The following NRG1 variants were observed in gnomAD, a reference collection of about 807,000 sequenced individuals.
NRG1 encodes the protein pro-neuregulin-1, membrane-bound isoform.
In NRG1, 18 loss-of-function variants were observed where a neutral mutation model predicts 63.8. That is an observed-to-expected ratio of 0.28 (90% CI 0.19 to 0.42). The LOEUF (loss-of-function observed/expected upper bound fraction) is 0.42. Among genes scored for constraint, NRG1 ranks in the 10% least tolerant of loss-of-function variants. The pLI is 1.00. For missense variants in NRG1, 762 were observed against 814.7 expected, an observed-to-expected ratio of 0.94 and a Z score of 0.79; for synonymous variants, 302 against 301.3, an observed-to-expected ratio of 1.00 and a Z score of -0.02.
At chr8:32,008,260 C>T (rs1412402294) in intron 1 of NRG1, among the ~76,000 whole-genome samples, 1 of 151,916 alleles carries the variant, frequency 6.6e-6, no homozygotes, top group Non-Finnish European at 1.5e-5. Flanking sequence ...TTTATTGAAG[C>T]TAGTTTGAAC....
intron 5 of NRG1, among the ~76,000 whole-genome samples, chr8:32,626,524 CA>C (rs1563798552): frequency 6.6e-6 from 1 of 151,606 alleles, no homozygotes; most frequent in Non-Finnish European, 1.5e-5. Context: ...ACTAAAAATA[CA>C]AAAAATTAGC....
intron 1 of NRG1, among the ~76,000 whole-genome samples, chr8:32,059,366 T>C (rs918748542): frequency 5.9e-5 from 9 of 151,988 alleles, no homozygotes; most frequent in Non-Finnish European, 1.0e-4. Flanking sequence ...GCTGCATCGC[T>C]AATGTCCTAA....
chr8:32,370,616 G>A (rs1255053828), intron 1 of NRG1, among the ~76,000 whole-genome samples: 1 of 152,010 alleles, frequency 6.6e-6, no homozygotes, highest in Non-Finnish European at 1.5e-5. Flanking sequence ...CCAACACTTT[G>A]GGAGACCGAA....
chr8:32,559,178 G>A (rs1354994119), intron 1 of NRG1, among the ~76,000 whole-genome samples: 2 of 131,636 alleles, frequency 1.5e-5, no homozygotes, highest in Admixed American at 9.0e-5. Context: ...AATTTACAGA[G>A]AGAAATAACC....
At chr8:32,292,113 T>C (rs894772419) in intron 1 of NRG1, among the ~76,000 whole-genome samples, 2 of 152,192 alleles carry the variant, frequency 1.3e-5, no homozygotes, top group Non-Finnish European at 2.9e-5. Context: ...ACTTTCATTT[T>C]TTCCCCCAAC....
In NRG1 at chr8:31,987,313, C is replaced by A. The variant is rs1405904229; in HGVS notation, c.37+347882C>A. 1.7e-3 allele frequency among the ~76,000 whole-genome samples: 148 copies of A among 86,016 alleles called. 4 individuals carry two copies. Among genetic ancestry groups the A allele is most frequent in the African/African-American group, 7.5e-3 (109 of 14,494 alleles). 56.4% of individuals were successfully genotyped at this position (86,016 alleles called of 152,430 possible). A position where few individuals can be genotyped will look rare whatever the true frequency, so the allele number is the denominator to read the frequency against. ...GACTGTCTCAAAAAAAAAAAAAAAACATATATATGTGTGTGTGTGTGTGTG... is the reference window on the plus strand; with the variant it reads ...GACTGTCTCAAAAAAAAAAAAAAAAAATATATATGTGTGTGTGTGTGTGTG... On this transcript the variant is annotated intron_variant, in intron 1 of 10. Transcript: ENST00000519301.
At chr8:32,390,270 G>A (rs1373638005) in intron 1 of NRG1, among the ~76,000 whole-genome samples, 1 of 152,046 alleles carries the variant, frequency 6.6e-6, no homozygotes, top group Admixed American at 6.6e-5. Flanking sequence ...ATTTCTCATA[G>A]GTGGCAGTCT....
chr8:32,639,465 A>T (rs979491402), intron 5 of NRG1, among the ~76,000 whole-genome samples: 2 of 152,160 alleles, frequency 1.3e-5, no homozygotes, highest in East Asian at 3.8e-4. Flanking sequence ...AAAGTAGAAT[A>T]CTTCAGGTAA....
chr8:32,341,473 G>A (rs569401157), intron 1 of NRG1, among the ~76,000 whole-genome samples: 64 of 152,246 alleles, frequency 4.2e-4, no homozygotes, highest in African/African-American at 1.3e-3. Context: ...GAGGCATTTC[G>A]CCTTGGGATC....
chr8:32,551,102 A>C (rs1834019482), intron 1 of NRG1, among the ~76,000 whole-genome samples: 1 of 152,174 alleles, frequency 6.6e-6, no homozygotes, highest in South Asian at 2.1e-4. Flanking sequence ...TTTCCTTATA[A>C]TGGTAAGTGC....
At chr8:31,953,379 G>C (rs562626894) in intron 1 of NRG1, among the ~76,000 whole-genome samples, 1 of 152,216 alleles carries the variant, frequency 6.6e-6, no homozygotes, top group Non-Finnish European at 1.5e-5. Flanking sequence ...TTTGTGGAAT[G>C]TTTGAAATTT....
chr8:31,760,112 T>C (rs1817374979), intron 1 of NRG1, among the ~76,000 whole-genome samples: 1 of 152,144 alleles, frequency 6.6e-6, no homozygotes, highest in Non-Finnish European at 1.5e-5. Flanking sequence ...AATGTTAATA[T>C]TTTGATTTAA....
At chr8:31,915,818 ATATAT>A (rs1371532996) in intron 1 of NRG1, among the ~76,000 whole-genome samples, 1 of 152,102 alleles carries the variant, frequency 6.6e-6, no homozygotes, top group Non-Finnish European at 1.5e-5. Flanking sequence ...TTCATACTAC[ATATAT>A]TATGTACAAT....
rs144372948 is a variant in NRG1, at chr8:31,688,518, G to A, written c.37+49087G>A. ...ATATTGTCCTAGATCCGCCCAAATG[G>A]ACAAAGACAATTTAGAATTAACATA... On this transcript the variant is annotated intron_variant, in intron 1 of 10. Transcript: ENST00000519301. 6.2e-4 allele frequency among the ~76,000 whole-genome samples: 95 copies of A among 152,202 alleles called. No individual in the cohort carries two copies. The East Asian group carries it at 0.015, about 25-fold the overall frequency.
At chr8:31,902,680 A>AG (rs1832183636) in intron 1 of NRG1, among the ~76,000 whole-genome samples, 3 of 152,168 alleles carry the variant, frequency 2.0e-5, no homozygotes, top group Non-Finnish European at 2.9e-5. Flanking sequence ...TGGCATAATT[A>AG]TTTGTGTGCA....
At chr8:31,906,025 C>T (rs2129616265) in intron 1 of NRG1, among the ~76,000 whole-genome samples, 1 of 152,288 alleles carries the variant, frequency 6.6e-6, no homozygotes, top group South Asian at 2.1e-4. Context: ...ACAAATTACT[C>T]CCAAACTTAC....
chr8:32,344,398 TGTGCATGCATGC>T (rs1804557096), intron 1 of NRG1, among the ~76,000 whole-genome samples: 2 of 87,096 alleles, frequency 2.3e-5, no homozygotes, highest in African/African-American at 8.5e-5. Context: ...CTTTCTTTTT[TGTGCATGCATGC>T]GTGCATGCAT....
rs368961150 is a variant in NRG1, at chr8:32,529,377, C to T, written c.38-66451C>T. Among the ~76,000 whole-genome samples the T allele has an allele frequency of 7.6e-4, 115 of 152,210 alleles. No individual in the cohort carries two copies. The Middle Eastern group carries it at 0.014, about 18-fold the overall frequency. On this transcript the variant is annotated intron_variant, in intron 1 of 10. Transcript: ENST00000519301. The stretch of plus-strand genomic sequence containing the variant: ...TGAAGGCCCAGGACATTACTGTATA[C>T]GGCTATAGACTTTATAAACATTCTT...
At chr8:31,932,067 C>T (rs1013083081) in intron 1 of NRG1, among the ~76,000 whole-genome samples, 5 of 152,124 alleles carry the variant, frequency 3.3e-5, no homozygotes, top group South Asian at 2.1e-4. Context: ...AAAAGGAAGG[C>T]TCATCTCCTT....
Sources: allele counts gnomAD v4.1 joint callset (sites outside exome capture counted in the v4.1 genomes callset), GRCh38; gene constraint gnomAD v4.1.1; transcripts MANE v1.5; gene names NCBI Gene and HGNC (gene_info 2026-07-23, HGNC 2026-07-21).